RPE65: variants seen among roughly 807,000 people sequenced by gnomAD.
RPE65 encodes the protein retinoid isomerohydrolase.
A neutral mutation model predicts 68.5 loss-of-function variants in RPE65; 58 were observed. That is an observed-to-expected ratio of 0.85 (90% CI 0.69 to 1.05). The LOEUF is 1.05. Among genes scored for constraint, RPE65 ranks in the 50% least tolerant of loss-of-function variants. The pLI, the probability that RPE65 is intolerant of heterozygous loss-of-function variation, is 0.00. For missense variants in RPE65, 643 were observed against 629.9 expected (o/e 1.02, Z -0.22); for synonymous variants, 220 against 222.2 (o/e 0.99, Z 0.09).
chr1:68,429,616 T>G lies in RPE65; in HGVS notation c.*160A>C, dbSNP rs574585050. The G allele has an allele frequency of 1.3e-6, 1 of 749,030 alleles. No individual in the cohort carries two copies. Among genetic ancestry groups the G allele is most frequent in the East Asian group, 2.7e-5 (1 of 36,964 alleles). The allele number at this position is 749,030 out of a possible 1,614,324, so 46.4% of individuals were successfully genotyped here. On this transcript the variant is annotated 3_prime_UTR_variant, in exon 14 of 14. Transcript: ENST00000262340. ...TTTTTTTTTTAAATAAAGGAATTGC[T>G]TGCTCAACTCAGTGCTTTCTGTAAA...
At position 68,438,942 on chromosome 1, in the gene RPE65, C is replaced by T. The variant is rs1173207597; in HGVS notation, c.998G>A (p.Gly333Glu). The stretch of plus-strand genomic sequence containing the variant: ...CCATTTGTCCAGTGTCCTTTCTTAC[C>T]CTTTCCAGCAGCAGAGATCCACAAT... The part of the protein sequence containing the change: ...FLIVDLCCWK[G>E]FEFVYNYLYL... Residue 333 changes from glycine (G) to glutamate (E), a missense_variant and splice_region_variant, in exon 9 of 14, where the codon GGA becomes GAA. By Grantham distance (98) the Gly-to-Glu change is moderately conservative. Coordinates refer to ENST00000262340, the MANE Select transcript of RPE65 (RefSeq NM_000329.3). The T allele has an allele frequency of 6.2e-7, 1 of 1,613,920 alleles. No individual in the cohort carries two copies. Among genetic ancestry groups the T allele is most frequent in the Non-Finnish European group, 8.5e-7 (1 of 1,179,908 alleles).
rs1444860485 is a variant in RPE65 at position 68,429,812 on chromosome 1, G to T, written c.1566C>A (p.Ile522=). The change falls in exon 14 of 14, where the codon ATC becomes ATA. Residue 522 remains isoleucine (I), a synonymous_variant. Transcript: ENST00000262340. ...TGAACAGTCCATGAAAGGTGACAGG[G>T]ATGTTAATCTCCACTTCAGCCCGGG... ...EVARAEVEIN[I]PVTFHGLFKK... 4 of 1,613,644 alleles carry T rather than the reference G, an allele frequency of 2.5e-6. No homozygotes were observed. Among genetic ancestry groups the T allele is most frequent in the Non-Finnish European group, 3.4e-6 (4 of 1,179,772 alleles).
Position 68,444,630 on chromosome 1 carries a change from G to C in RPE65, c.396C>G (p.Ala132=). ...YFRGVEVTDN[A]LVNVYPVGED... ...CCCCCACTGGGTAGACATTAACAAG[G>C]GCATTGTCAGTAACCTCTACTCCTC... Residue 132 remains alanine (A), a synonymous_variant, in exon 5 of 14, where the codon GCC becomes GCG. Coordinates refer to ENST00000262340, the MANE Select transcript of RPE65 (RefSeq NM_000329.3). The C allele has an allele frequency of 6.2e-7, 1 of 1,614,046 alleles. No individual in the cohort carries two copies. The highest frequency in any genetic ancestry group is 1.3e-5 in the African/African-American group (1 of 74,988).
rs1571170561 is a variant in RPE65, at chr1:68,444,800, T to C, written c.329A>G (p.Asp110Gly). 5 of 1,614,048 alleles carry C rather than the reference T, an allele frequency of 3.1e-6. No homozygotes were observed. The highest frequency in any genetic ancestry group is 3.4e-6 in the Non-Finnish European group (4 of 1,180,028). The change falls in exon 4 of 14, where the codon GAT (aspartate) becomes GGT (glycine). Residue 110 changes from aspartate (D) to glycine (G), a missense_variant. Physicochemically the swap from Asp to Gly is moderately conservative, Grantham distance 94 (BLOSUM62 -1). Coordinates refer to ENST00000262340, the MANE Select transcript of RPE65 (RefSeq NM_000329.3). Reference sequence around the variant, plus strand: ...CCTGGAAAATATATTCTTGCAGGGATCTGGGAAAGCACAGGTGCCAAATTC... The same window carrying C: ...CCTGGAAAATATATTCTTGCAGGGACCTGGGAAAGCACAGGTGCCAAATTC... The part of the protein sequence containing the change: ...ITEFGTCAFP[D>G]PCKNIFSRFF...
chr1:68,438,001 A>C (rs1205512557), intron 10 of RPE65, among the ~76,000 whole-genome samples, 186 bp downstream of exon 10: 1 of 152,234 alleles, frequency 6.6e-6, no homozygotes, highest in Non-Finnish European at 1.5e-5. Context: ...GCTTTTGCTA[A>C]GTCACAGTAC....
At position 68,439,046 on chromosome 1, in the gene RPE65, C is replaced by T. The variant is rs768068723; in HGVS notation, c.894G>A (p.Lys298=). 6.8e-6 allele frequency: 11 copies of T among 1,613,896 alleles called. No homozygotes were observed. The highest frequency in any genetic ancestry group is 1.3e-5 in the African/African-American group (1 of 74,910). Residue 298 remains lysine (K), a synonymous_variant, in exon 9 of 14, where the codon AAG becomes AAA. Coordinates refer to ENST00000262340, the MANE Select transcript of RPE65 (RefSeq NM_000329.3). The stretch of plus-strand genomic sequence containing the variant: ...AAGTTCTGTATTTATTATTGAGGTA[C>T]TTTTTCCTTTTTTTGTCAGCAATAT... ...WLHIADKKRK[K]YLNNKYRTSP...
intron 10 of RPE65, among the ~76,000 whole-genome samples, chr1:68,433,397 T>C (rs1307743190): frequency 6.6e-6 from 1 of 152,058 alleles, no homozygotes; most frequent in Non-Finnish European, 1.5e-5. Flanking sequence ...GTGATTTCCC[T>C]GAGAATGTGA....
intron 5 of RPE65, among the ~76,000 whole-genome samples, chr1:68,443,306 TATA>T (rs897121637): frequency 9.2e-5 from 14 of 152,224 alleles, no homozygotes; most frequent in African/African-American, 3.4e-4. Flanking sequence ...TTTGGGTTTG[TATA>T]ATGATTGAAA....
intron 3 of RPE65, among the ~76,000 whole-genome samples, 156 bp from the exon 4 acceptor site, chr1:68,445,039 G>A (rs1451265080): frequency 6.6e-6 from 1 of 152,120 alleles, no homozygotes; most frequent in Non-Finnish European, 1.5e-5. Context: ...CTTTCTTGGG[G>A]TGACCAAGCA....
At chr1:68,437,013 T>C (rs923199836) in intron 10 of RPE65, among the ~76,000 whole-genome samples, 4 of 152,234 alleles carry the variant, frequency 2.6e-5, no homozygotes, top group Non-Finnish European at 1.5e-5. Flanking sequence ...GCATTAATCC[T>C]GTAATAGGGC....
At chr1:68,443,963 A>AC (rs1380014253) in intron 5 of RPE65, among the ~76,000 whole-genome samples, 1 of 152,200 alleles carries the variant, frequency 6.6e-6, no homozygotes, top group Non-Finnish European at 1.5e-5. Context: ...AGAAGGGGCA[A>AC]ATTAGTGCAA....
intron 1 of RPE65, among the ~76,000 whole-genome samples, chr1:68,449,262 T>C (rs1341622180): frequency 6.6e-6 from 1 of 152,118 alleles, no homozygotes; most frequent in African/African-American, 2.4e-5. Flanking sequence ...TATTATACCA[T>C]AATTTTTTCC....
intron 3 of RPE65, 25 bp downstream of exon 3, chr1:68,446,685 G>A: frequency 6.2e-7 from 1 of 1,614,086 alleles, no homozygotes. Context: ...TTGAGGAGGA[G>A]GAGTGGCATG....
intron 8 of RPE65, 49 bp from the exon 9 acceptor site, chr1:68,439,130 G>A (rs758083026): frequency 8.1e-6 from 13 of 1,613,814 alleles, no homozygotes; most frequent in South Asian, 1.1e-5. Flanking sequence ...GGAAAAAAGT[G>A]TACATTATTA....
chr1:68,444,572 T>C lies in RPE65; in HGVS notation c.454A>G (p.Ile152Val), dbSNP rs1294404717. 1 of 1,614,190 alleles carries C rather than the reference T, an allele frequency of 6.2e-7. No individual in the cohort carries two copies. The highest frequency in any genetic ancestry group is 8.5e-7 in the Non-Finnish European group (1 of 1,180,020). ...DYYACTETNF[I>V]TKINPETLET... The stretch of plus-strand genomic sequence containing the variant: ...AAGGTCTCTGGATTAATCTTTGTAA[T>C]AAAGTTGGTCTCTGTGCAAGCGTAG... Residue 152 changes from isoleucine to valine, a missense_variant, in exon 5 of 14, where the codon ATT (isoleucine) becomes GTT (valine). Ile to Val is a conservative substitution (Grantham distance 29). Transcript: ENST00000262340.
chr1:68,446,897 C>A (rs1384345227), intron 2 of RPE65, 37 bp from the exon 3 acceptor site: 1 of 1,612,352 alleles, frequency 6.2e-7, no homozygotes, highest in Admixed American at 1.7e-5. Context: ...GCTTCTTATC[C>A]CTGCCTTGGG....
intron 6 of RPE65, among the ~76,000 whole-genome samples, chr1:68,440,046 T>C (rs965364076): frequency 2.6e-5 from 4 of 152,176 alleles, no homozygotes; most frequent in African/African-American, 9.7e-5. Flanking sequence ...CAGTAATTCT[T>C]ATGCACATTA....
intron 10 of RPE65, among the ~76,000 whole-genome samples, chr1:68,437,461 C>T (rs1378168217): frequency 3.3e-5 from 5 of 152,214 alleles, no homozygotes; most frequent in Admixed American, 3.3e-4. Flanking sequence ...TTTTCTACTA[C>T]ACCATATCTA....
chr1:68,431,874 G>A (rs1645829556), intron 10 of RPE65, among the ~76,000 whole-genome samples: 1 of 151,510 alleles, frequency 6.6e-6, no homozygotes, highest in African/African-American at 2.4e-5. Context: ...TCCAAAGAAA[G>A]GCCTCTGAAA....
Sources: allele counts gnomAD v4.1 joint callset (sites outside exome capture counted in the v4.1 genomes callset), GRCh38; gene constraint gnomAD v4.1.1; transcripts MANE v1.5; gene names NCBI Gene and HGNC (gene_info 2026-07-23, HGNC 2026-07-21).